STAB2: variants seen among roughly 807,000 people sequenced by gnomAD.
STAB2 encodes the protein stabilin-2.
In STAB2, 288 loss-of-function variants were observed where a neutral mutation model predicts 338.1. The observed-to-expected ratio is 0.85, with a 90% confidence interval of 0.77 to 0.94. The LOEUF (loss-of-function observed/expected upper bound fraction) is 0.94, where lower values mean the gene tolerates loss of function less well. Among genes scored for constraint, STAB2 ranks in the 40% least tolerant of loss-of-function variants. The pLI is 0.00. For missense variants in STAB2, 3,141 were observed against 3,210.1 expected, an observed-to-expected ratio of 0.98 and a Z score of 0.52; for synonymous variants, 1,202 against 1,193.3, an observed-to-expected ratio of 1.01 and a Z score of -0.15.
chr12:103,730,388 G>A (rs1276867348), intron 49 of STAB2, 132 bp downstream of exon 49: 3 of 1,037,384 alleles, frequency 2.9e-6, no homozygotes, highest in Non-Finnish European at 4.2e-6. Flanking sequence ...TAAAAGCCTA[G>A]TAAACATTAT....
rs200786577 is a variant in STAB2, at chr12:103,753,326, C to T, written c.6687C>T (p.Thr2229=). ...ACANEAATMA[T]YNQLSYAQKA... The stretch of plus-strand genomic sequence containing the variant: ...CCAACGAAGCTGCGACCATGGCAAC[C>T]TACAACCAGCTCTCCTATGCCCAGA... The change falls in exon 61 of 69, where the codon ACC becomes ACT. Residue 2229 remains threonine, a synonymous_variant. Transcript: ENST00000388887. 1.4e-5 allele frequency: 23 copies of T among 1,614,266 alleles called. No homozygotes were observed. In the African/African-American group the frequency reaches 2.1e-4, roughly 15 times the overall value.
At chr12:103,658,233 G>T (rs1874336711) in intron 15 of STAB2, among the ~76,000 whole-genome samples, 1 of 152,142 alleles carries the variant, frequency 6.6e-6, no homozygotes, top group African/African-American at 2.4e-5. Flanking sequence ...ACTTGAGTTT[G>T]GTTTTGTTTG....
At chr12:103,754,796 A>C (rs1481240404) in intron 61 of STAB2, among the ~76,000 whole-genome samples, 1 of 152,176 alleles carries the variant, frequency 6.6e-6, no homozygotes, top group African/African-American at 2.4e-5. Flanking sequence ...AAATACAAAA[A>C]TTAGCTGCAC....
chr12:103,608,285 C>A (rs1298212177), intron 3 of STAB2, among the ~76,000 whole-genome samples: 3 of 152,132 alleles, frequency 2.0e-5, no homozygotes, highest in African/African-American at 7.2e-5. Flanking sequence ...ACTACAGGTG[C>A]CTGCCTCCAA....
chr12:103,621,967 G>T, intron 4 of STAB2, 75 bp from the exon 5 acceptor site: 1 of 1,405,874 alleles, frequency 7.1e-7, no homozygotes, highest in Non-Finnish European at 1.0e-6. Flanking sequence ...CAAATGCTGA[G>T]TTGGAAATCC....
chr12:103,630,479 A>G (rs534078854), intron 5 of STAB2, among the ~76,000 whole-genome samples: 1 of 152,350 alleles, frequency 6.6e-6, no homozygotes, highest in African/African-American at 2.4e-5. Context: ...AAAATGTCCT[A>G]ATCCCTGGAA....
rs775131650 is a variant in STAB2 at position 103,737,594 on chromosome 12, CTCTCTCTT to C, written c.5551-34_5551-27del. 5.2e-4 allele frequency: 719 copies of C among 1,393,300 alleles called. 28 individuals are homozygous for C. Among genetic ancestry groups the C allele is most frequent in the East Asian group, 1.4e-3 (58 of 40,276 alleles). The allele number at this position is 1,393,300 out of a possible 1,614,324, so 86.3% of individuals were successfully genotyped here. On this transcript the variant is annotated intron_variant, in intron 52 of 68. Coordinates refer to ENST00000388887, the MANE Select transcript of STAB2 (RefSeq NM_017564.10). ...ACTGTTTCTCTCTCTCTCTCTCTCT[CTCTCTCTT>C]TCTCTTTTTTTTTTTTTTTTTTCTT...
rs1174852004 is a variant in STAB2, at chr12:103,733,022, G to A, written c.5300G>A (p.Ser1767Asn). ...SNLIQDSGLL[S>N]VITDPIHTPV... is the part of the protein sequence containing the mutation. ...GTGTTTCAGGACTCAGGTTTGCTGA[G>A]TGTCATCACCGATCCCATCCACACC... Residue 1767 changes from serine to asparagine, a missense_variant, in exon 51 of 69, where the codon AGT (serine) becomes AAT (asparagine). Physicochemically the swap from Ser to Asn is conservative, Grantham distance 46. Transcript: ENST00000388887. The A allele has an allele frequency of 1.2e-6, 2 of 1,613,602 alleles. No individual in the cohort carries two copies. Among genetic ancestry groups the A allele is most frequent in the African/African-American group, 1.3e-5 (1 of 74,864 alleles).
chr12:103,678,591 A>G (rs1876606353), intron 25 of STAB2, among the ~76,000 whole-genome samples: 1 of 152,078 alleles, frequency 6.6e-6, no homozygotes, highest in Admixed American at 6.6e-5. Flanking sequence ...CAGTGGCACG[A>G]TCTCGGCTCA....
chr12:103,723,593 G>A (rs193296933), intron 44 of STAB2, among the ~76,000 whole-genome samples: 26 of 152,342 alleles, frequency 1.7e-4, no homozygotes, highest in African/African-American at 6.3e-4. Flanking sequence ...AAGCATCTGT[G>A]TACATACCTT....
chr12:103,609,072 C>T (rs1482962584), intron 3 of STAB2, among the ~76,000 whole-genome samples: 1 of 152,126 alleles, frequency 6.6e-6, no homozygotes, highest in Admixed American at 6.5e-5. Context: ...CAGTACCATG[C>T]TGTTTTGGTT....
chr12:103,658,625 G>C (rs1874370514), intron 15 of STAB2, among the ~76,000 whole-genome samples: 1 of 152,084 alleles, frequency 6.6e-6, no homozygotes, highest in African/African-American at 2.4e-5. Flanking sequence ...TGAGACTCAT[G>C]GGTTAAGTGA....
intron 67 of STAB2, among the ~76,000 whole-genome samples, chr12:103,762,894 C>T (rs1050163091): frequency 3.3e-5 from 5 of 152,196 alleles, no homozygotes; most frequent in African/African-American, 1.2e-4. Context: ...GCAGCCAGCT[C>T]TTGACTGGCT....
At position 103,737,736 on chromosome 12, in the gene STAB2, A is replaced by C. The variant is rs758799199; in HGVS notation, c.5653A>C (p.Thr1885Pro). The C allele has an allele frequency of 1.5e-5, 24 of 1,611,638 alleles. No individual in the cohort carries two copies. The highest frequency in any genetic ancestry group is 5.0e-5 in the Admixed American group (3 of 59,684). Reference sequence around the variant, plus strand: ...CATTGACTGTCTGCTGATTGATCCCACCCTGGGGGGCCGCTGTGACACCTT... The same window carrying C: ...CATTGACTGTCTGCTGATTGATCCCCCCCTGGGGGGCCGCTGTGACACCTT... ...YGIDCLLIDP[T>P]LGGRCDTFTT... is the part of the protein sequence containing the mutation. Residue 1885 changes from threonine to proline, a missense_variant, in exon 53 of 69, where the codon ACC (threonine) becomes CCC (proline). Physicochemically the swap from Thr to Pro is conservative, Grantham distance 38 (BLOSUM62 -1). Coordinates refer to ENST00000388887, the MANE Select transcript of STAB2 (RefSeq NM_017564.10).
intron 37 of STAB2, 95 bp downstream of exon 37, chr12:103,705,822 TTC>T: frequency 8.9e-7 from 1 of 1,129,116 alleles, no homozygotes; most frequent in Non-Finnish European, 1.3e-6. Context: ...CAGGTATGCT[TTC>T]TGCCATCTCC....
rs539473575 is a variant in STAB2, at chr12:103,681,644, A to G, written c.2806-1561A>G. Among the ~76,000 whole-genome samples, 667 of 106,802 alleles carry G rather than the reference A, an allele frequency of 6.2e-3. 4 individuals carry two copies. Among genetic ancestry groups the G allele is most frequent in the Non-Finnish European group, 8.7e-3 (489 of 56,458 alleles). 70.1% of individuals were successfully genotyped at this position (106,802 alleles called of 152,430 possible). ...TTTTTTTTTTTTTTTTTTTTTTGAG[A>G]CAGAGTCTCGCTCTGTTGCCAGGCT... On this transcript the variant is annotated intron_variant, in intron 25 of 68. Transcript: ENST00000388887.
At chr12:103,631,779 T>TC (rs1957467414) in intron 6 of STAB2, 86 bp downstream of exon 6, 2 of 1,335,866 alleles carry the variant, frequency 1.5e-6, no homozygotes, top group Admixed American at 3.5e-5. Context: ...TTACTGGTTC[T>TC]CTGCAGGGGC....
Position 103,662,923 on chromosome 12 carries a change from A to T in STAB2, c.1947A>T (p.Thr649=). The stretch of plus-strand genomic sequence containing the variant: ...AAAATGGCCGAATTTACACACTGAC[A>T]GGAGTTCTCATTCCTCCCTCCATTG... ...TAKNGRIYTL[T]GVLIPPSIVP... Residue 649 remains threonine (T), a synonymous_variant, in exon 18 of 69, where the codon ACA becomes ACT. Transcript: ENST00000388887. The T allele has an allele frequency of 6.2e-7, 1 of 1,614,230 alleles. No individual in the cohort carries two copies. The highest frequency in any genetic ancestry group is 8.5e-7 in the Non-Finnish European group (1 of 1,180,028).
intron 3 of STAB2, among the ~76,000 whole-genome samples, chr12:103,614,144 G>T (rs1957172987): frequency 6.6e-6 from 1 of 152,100 alleles, no homozygotes; most frequent in African/African-American, 2.4e-5. Context: ...TTTATGCCTA[G>T]TAAGTTTTAT....
Sources: allele counts gnomAD v4.1 joint callset (sites outside exome capture counted in the v4.1 genomes callset), GRCh38; gene constraint gnomAD v4.1.1; transcripts MANE v1.5; gene names NCBI Gene and HGNC (gene_info 2026-07-23, HGNC 2026-07-21).